IKZF3: variants seen among roughly 807,000 people sequenced by gnomAD.
The protein encoded by IKZF3 is zinc finger protein Aiolos.
A neutral mutation model predicts 49.0 loss-of-function variants in IKZF3; 10 were observed. The observed-to-expected ratio is 0.20, with a 90% confidence interval of 0.13 to 0.35. IKZF3 has a LOEUF of 0.35. IKZF3 is among the 10% of genes least tolerant of loss of function. The pLI is 1.00. For synonymous variants in IKZF3, 209 were observed against 228.2 expected, an observed-to-expected ratio of 0.92 and a Z score of 0.76; for missense variants, 498 against 664.8, an observed-to-expected ratio of 0.75 and a Z score of 2.76.
intron 6 of IKZF3, among the ~76,000 whole-genome samples, chr17:39,782,040 A>T (rs1012114660): frequency 9.2e-5 from 14 of 152,330 alleles, no homozygotes; most frequent in African/African-American, 3.4e-4. Context: ...TCAAAATATT[A>T]ACTACAAGAG....
intron 1 of IKZF3, among the ~76,000 whole-genome samples, chr17:39,856,530 G>T (rs2063064074): frequency 6.6e-6 from 1 of 152,124 alleles, no homozygotes; most frequent in South Asian, 2.1e-4. Context: ...AACTTTTACA[G>T]CGTGGTGGCT....
At chr17:39,772,051 A>G (rs548168651) in intron 7 of IKZF3, among the ~76,000 whole-genome samples, 1 of 152,070 alleles carries the variant, frequency 6.6e-6, no homozygotes, top group African/African-American at 2.4e-5. Flanking sequence ...CCTGGCCTAC[A>G]ATGTGTATTT....
chr17:39,804,977 GACATAT>G (rs1402533223), intron 3 of IKZF3, among the ~76,000 whole-genome samples: 3 of 152,152 alleles, frequency 2.0e-5, no homozygotes, highest in African/African-American at 7.2e-5. Flanking sequence ...GAAAGCCATA[GACATAT>G]ACTTCCTGAC....
At chr17:39,799,409 A>T (rs1014352545) in intron 3 of IKZF3, among the ~76,000 whole-genome samples, 2 of 152,232 alleles carry the variant, frequency 1.3e-5, no homozygotes, top group African/African-American at 4.8e-5. Context: ...TATAGAATAA[A>T]GTCCAAACTC....
chr17:39,765,597 T>C lies in IKZF3; in HGVS notation c.*193A>G, dbSNP rs1302021695. On this transcript the variant is annotated 3_prime_UTR_variant, in exon 8 of 8. Coordinates refer to ENST00000346872, the MANE Select transcript of IKZF3 (RefSeq NM_012481.5). ...TGGGAAAACAAAGGTTTCACAAAAG[T>C]AATAATATGCTAGACCTGCGAATAA... 3.9e-6 allele frequency: 2 copies of C among 511,168 alleles called. No individual in the cohort carries two copies. The highest frequency in any genetic ancestry group is 3.6e-5 in the Admixed American group (1 of 28,078). The allele number at this position is 511,168 out of a possible 1,614,324, so 31.7% of individuals were successfully genotyped here. A position where few individuals can be genotyped will look rare whatever the true frequency, so the allele number is the denominator to read the frequency against.
At chr17:39,787,761 C>T (rs2060907822) in intron 6 of IKZF3, among the ~76,000 whole-genome samples, 1 of 152,206 alleles carries the variant, frequency 6.6e-6, no homozygotes, top group Non-Finnish European at 1.5e-5. Flanking sequence ...AATGAGAAGA[C>T]CAATGATGTC....
rs754339562 is a variant in IKZF3 at position 39,792,940 on chromosome 17, G to A, written c.164-7C>T. The A allele has an allele frequency of 1.9e-6, 3 of 1,610,832 alleles. No individual in the cohort carries two copies. In the Admixed American group the frequency reaches 5.0e-5, roughly 27 times the overall value. On this transcript the variant is annotated splice_polypyrimidine_tract_variant and splice_region_variant and intron_variant, in intron 3 of 7. Coordinates refer to ENST00000346872, the MANE Select transcript of IKZF3 (RefSeq NM_012481.5). ...TTCACTTTCATTGAATCATCTGCAG[G>A]GAAGAAAATGCAAGAAATGAACAAC...
chr17:39,807,139 AAT>A (rs1178872764), intron 3 of IKZF3, among the ~76,000 whole-genome samples: 1 of 152,162 alleles, frequency 6.6e-6, no homozygotes, highest in East Asian at 1.9e-4. Context: ...TTCCTGAGAT[AAT>A]ATGTTTTAAG....
chr17:39,791,577 C>T lies in IKZF3; in HGVS notation c.431G>A (p.Arg144His), dbSNP rs768846820. The T allele has an allele frequency of 5.0e-6, 8 of 1,613,700 alleles. No homozygotes were observed. The Admixed American group carries it at 6.7e-5, about 13-fold the overall frequency. Reference protein sequence around the residue: ...MVHKRSHTGERPFQCNQCGAS... With the variant: ...MVHKRSHTGEHPFQCNQCGAS... ...CCCACACTGATTACACTGGAATGGGCGTTCACCTTTAAAAAGGACAAAAAA... is the reference window on the plus strand; with the variant it reads ...CCCACACTGATTACACTGGAATGGGTGTTCACCTTTAAAAAGGACAAAAAA... The change falls in exon 5 of 8, where the codon CGC becomes CAC. Residue 144 changes from arginine (R) to histidine (H), a missense_variant. Around this residue, in one of 3 missense-constraint regions of IKZF3, gnomAD observed 84 missense variants for 168.6 expected, o/e 0.50. Coordinates refer to ENST00000346872, the MANE Select transcript of IKZF3 (RefSeq NM_012481.5).
chr17:39,796,381 C>T (rs543987175), intron 3 of IKZF3, among the ~76,000 whole-genome samples: 1 of 152,090 alleles, frequency 6.6e-6, no homozygotes, highest in African/African-American at 2.4e-5. Flanking sequence ...AACTGTGGAA[C>T]CTTTTCTCTT....
chr17:39,852,675 C>T (rs1014272363), intron 1 of IKZF3, among the ~76,000 whole-genome samples: 1 of 152,060 alleles, frequency 6.6e-6, no homozygotes, highest in Non-Finnish European at 1.5e-5. Flanking sequence ...ATTCCCTTGG[C>T]TTTAAATATC....
intron 1 of IKZF3, among the ~76,000 whole-genome samples, chr17:39,855,997 T>TACATGTTATATTGTAC (rs2063034036): frequency 6.7e-6 from 1 of 150,370 alleles, no homozygotes; most frequent in Non-Finnish European, 1.5e-5. Context: ...GTATATTGTA[T>TACATGTTATATTGTAC]ATGTACAATA....
intron 1 of IKZF3, among the ~76,000 whole-genome samples, chr17:39,857,466 G>A (rs997847418): frequency 2.6e-5 from 4 of 152,132 alleles, no homozygotes; most frequent in African/African-American, 7.2e-5. Flanking sequence ...GTTTATAGTG[G>A]AAACTGCAGT....
intron 1 of IKZF3, among the ~76,000 whole-genome samples, chr17:39,848,201 T>TA (rs555695098): frequency 0.024 from 3,600 of 151,334 alleles, 58 homozygotes; most frequent in Non-Finnish European, 0.036. Context: ...CCTCCCCCTT[T>TA]AAAAAAAAAT....
chr17:39,811,301 GAA>G (rs1274468941), intron 3 of IKZF3, among the ~76,000 whole-genome samples: 2 of 137,494 alleles, frequency 1.5e-5, no homozygotes, highest in Non-Finnish European at 3.1e-5. Flanking sequence ...TAAAAAAAGA[GAA>G]AGAGAAAGAG....
At chr17:39,796,186 C>T (rs73302153) in intron 3 of IKZF3, among the ~76,000 whole-genome samples, 3,731 of 152,188 alleles carry the variant, frequency 0.025, 158 homozygotes, top group African/African-American at 0.086. Context: ...GAGATTCATC[C>T]CATTCCCTGG....
chr17:39,816,199 C>G (rs908612624), intron 3 of IKZF3, among the ~76,000 whole-genome samples: 1 of 152,068 alleles, frequency 6.6e-6, no homozygotes, highest in African/African-American at 2.4e-5. Context: ...TTATTTATGT[C>G]TAATTAATTT....
intron 2 of IKZF3, among the ~76,000 whole-genome samples, chr17:39,830,123 A>G (rs1443959676): frequency 6.6e-6 from 1 of 152,218 alleles, no homozygotes; most frequent in Non-Finnish European, 1.5e-5. Context: ...TGCCATTGCT[A>G]TTTATGACAA....
intron 5 of IKZF3, 86 bp downstream of exon 5, chr17:39,791,330 C>G: frequency 7.2e-7 from 1 of 1,397,488 alleles, no homozygotes; most frequent in Non-Finnish European, 1.0e-6. Context: ...CAGATTGAAA[C>G]CTTCCTACTT....
Sources: gnomAD v4.1 joint callset for allele counts (sites outside exome capture counted in the v4.1 genomes callset) on GRCh38, gnomAD v4.1.1 for gene constraint, gnomAD v4.1.1 regional missense constraint, MANE v1.5 for transcripts, NCBI Gene and HGNC (gene_info 2026-07-23, HGNC 2026-07-21) for gene names.